Variants in CACNA1A observed in about 807,000 individuals in gnomAD.
CACNA1A encodes voltage-dependent P/Q-type calcium channel subunit alpha-1A.
A neutral mutation model predicts 262.4 loss-of-function variants in CACNA1A; 57 were observed. The ratio of observed to expected loss-of-function variants is 0.22; its 90% confidence interval spans 0.18 to 0.27. CACNA1A has a LOEUF of 0.27. Ranked by LOEUF, CACNA1A falls within the 10% of genes least tolerant of loss-of-function variation. The pLI is 1.00. For synonymous variants in CACNA1A, 1,431 were observed against 1,419.3 expected (o/e 1.01, Z -0.18); for missense variants, 2,526 against 3,562.8 (o/e 0.71, Z 7.41).
intron 5 of CACNA1A, chr19:13,362,600 C>G (rs1173545000): frequency 6.6e-6 from 1 of 152,292 alleles, no homozygotes; most frequent in African/African-American, 2.4e-5. Context: ...ACCTCAGCCT[C>G]TCAAAGTGCT....
rs1170636636 is a variant in CACNA1A at position 13,207,468 on chromosome 19, G to A, written c.7366C>T (p.Arg2456Trp). The A allele has an allele frequency of 2.0e-6, 3 of 1,478,346 alleles. No homozygotes were observed. Among genetic ancestry groups the A allele is most frequent in the African/African-American group, 1.5e-5 (1 of 67,472 alleles). The allele number at this position is 1,478,346 out of a possible 1,614,324, so 91.6% of individuals were successfully genotyped here. A position where few individuals can be genotyped will look rare whatever the true frequency, so the allele number is the denominator to read the frequency against. The stretch of plus-strand genomic sequence containing the variant: ...GAGGCGCAGGCCGGGCCCGAGGCCC[G>A]GGGAGTCCTGGGCGAGCGCCCGGTG... ...GATGRSPRTP[R>W]ASGPACASPS... The change falls in exon 47 of 47, where the codon CGG becomes TGG. Residue 2456 changes from arginine to tryptophan, a missense_variant. Physicochemically the swap from Arg to Trp is moderately radical, Grantham distance 101. Coordinates refer to ENST00000360228, the MANE Select transcript of CACNA1A (RefSeq NM_001127222.2). The surrounding 1 kb of genome is among the most constrained non-coding windows in gnomAD (Gnocchi z 5.7).
chr19:13,306,064 A>G (rs1363300311), intron 15 of CACNA1A, among the ~76,000 whole-genome samples: 4 of 151,568 alleles, frequency 2.6e-5, no homozygotes, highest in African/African-American at 9.7e-5. Flanking sequence ...CATCTCAAAA[A>G]AAAAAAAAAA....
At chr19:13,309,628 G>C (rs982048974) in intron 12 of CACNA1A, among the ~76,000 whole-genome samples, 2 of 151,934 alleles carry the variant, frequency 1.3e-5, no homozygotes, top group Non-Finnish European at 2.9e-5. Flanking sequence ...AGGAATTTGA[G>C]ACAGGAGAGG....
chr19:13,230,028 C>T, intron 36 of CACNA1A, 54 bp downstream of exon 36: 1 of 1,588,794 alleles, frequency 6.3e-7, no homozygotes, highest in Non-Finnish European at 8.6e-7. Context: ...GCCCGTGTTC[C>T]AGTTCCAGGG....
At chr19:13,288,247 T>C (rs1198115783) in intron 19 of CACNA1A, among the ~76,000 whole-genome samples, 1 of 151,508 alleles carries the variant, frequency 6.6e-6, no homozygotes, top group Non-Finnish European at 1.5e-5. Flanking sequence ...TTTTTCTTTT[T>C]TTTTTTAACT....
At chr19:13,226,275 A>T in intron 37 of CACNA1A, 2 of 46,676 alleles carry the variant, frequency 4.3e-5, no homozygotes, top group South Asian at 5.7e-4. Context: ...GGGGGGCGGC[A>T]GGGAGGGGCA....
chr19:13,276,037 G>C (rs914059125), intron 23 of CACNA1A, 81 bp from the exon 24 acceptor site: 4 of 872,194 alleles, frequency 4.6e-6, no homozygotes, highest in Non-Finnish European at 5.5e-6. Context: ...CTAGCCTCTC[G>C]GGGAGAGGCA....
chr19:13,332,758 C>G (rs913694393), intron 9 of CACNA1A, 111 bp downstream of exon 9: 9 of 637,920 alleles, frequency 1.4e-5, no homozygotes, highest in Non-Finnish European at 2.3e-5. Flanking sequence ...AGAGGAACGT[C>G]TACCCTCTGC....
chr19:13,413,907 G>C (rs1201686644), intron 3 of CACNA1A, among the ~76,000 whole-genome samples: 1 of 83,144 alleles, frequency 1.2e-5, no homozygotes, highest in East Asian at 3.3e-4. Flanking sequence ...AAGAAAGAAA[G>C]AAAGAAAGAA....
chr19:13,489,469 T>C (rs1049843365), intron 1 of CACNA1A, among the ~76,000 whole-genome samples: 1 of 152,166 alleles, frequency 6.6e-6, no homozygotes, highest in Admixed American at 6.5e-5. Context: ...TTGTATTTTT[T>C]TGTAGAGACG....
intron 3 of CACNA1A, among the ~76,000 whole-genome samples, chr19:13,415,967 G>T (rs1040569600): frequency 3.3e-5 from 5 of 151,994 alleles, no homozygotes; most frequent in Admixed American, 6.6e-5. Flanking sequence ...CCTCTGAGCG[G>T]TCCTCTCTGA....
Position 13,436,980 on chromosome 19 carries a change from G to T in CACNA1A, c.539+15896C>A, listed in dbSNP as rs186641918. The stretch of plus-strand genomic sequence containing the variant: ...GCACAACAGGGGAACCTCTTTTCAG[G>T]TTAGCTGGTGTCCCTGCCACCTGGA... On this transcript the variant is annotated intron_variant, in intron 3 of 46. Transcript: ENST00000360228. Among the ~76,000 whole-genome samples, 8 of 152,330 alleles carry T rather than the reference G, an allele frequency of 5.3e-5. No homozygotes were observed. The East Asian group carries it at 1.3e-3, about 26-fold the overall frequency.
chr19:13,423,966 C>T (rs1231514485), intron 3 of CACNA1A, among the ~76,000 whole-genome samples: 1 of 152,180 alleles, frequency 6.6e-6, no homozygotes, highest in Non-Finnish European at 1.5e-5. Flanking sequence ...GACTTCTCCC[C>T]TCCACAGCCC....
At chr19:13,441,190 G>T (rs2060712424) in intron 3 of CACNA1A, among the ~76,000 whole-genome samples, 1 of 152,100 alleles carries the variant, frequency 6.6e-6, no homozygotes, top group African/African-American at 2.4e-5. Context: ...CTTGCCCAAG[G>T]TCACACAGCT....
Position 13,214,302 on chromosome 19 carries a change from T to A in CACNA1A, c.5871A>T (p.Ala1957=). Residue 1957 remains alanine, a synonymous_variant, in exon 40 of 47, where the codon GCA becomes GCT. Transcript: ENST00000360228. The surrounding 1 kb of genome is among the most constrained non-coding windows in gnomAD (Gnocchi z 4.1). ...GGTAGTACTCCATGATCATCATGGC[T>A]GCGTAGATCTTCCCCACGGTGAGGT... The part of the protein sequence containing the change: ...STDLTVGKIY[A]AMMIMEYYRQ... The A allele has an allele frequency of 6.2e-7, 1 of 1,612,738 alleles. No homozygotes were observed. Among genetic ancestry groups the A allele is most frequent in the Non-Finnish European group, 8.5e-7 (1 of 1,179,856 alleles).
chr19:13,239,154 G>C (rs1431891982), intron 31 of CACNA1A, among the ~76,000 whole-genome samples: 1 of 152,068 alleles, frequency 6.6e-6, no homozygotes, highest in Non-Finnish European at 1.5e-5. Flanking sequence ...TGGTGCTTAG[G>C]AGAAAGCCCA....
intron 3 of CACNA1A, among the ~76,000 whole-genome samples, chr19:13,426,022 C>T (rs1265582113): frequency 6.6e-6 from 1 of 152,166 alleles, no homozygotes; most frequent in Non-Finnish European, 1.5e-5. Context: ...TGCACCACTG[C>T]ACTCCAGCCT....
At chr19:13,260,317 T>TAC (rs1485300589) in intron 26 of CACNA1A, 2 of 53,028 alleles carry the variant, frequency 3.8e-5, no homozygotes, top group East Asian at 1.3e-3. Context: ...TATATATACA[T>TAC]ATATATATAT....
chr19:13,227,359 T>TAA, intron 37 of CACNA1A, 72 bp downstream of exon 37: 6 of 604,238 alleles, frequency 9.9e-6, no homozygotes, highest in African/African-American at 7.8e-5. Context: ...TGGTCAGCAC[T>TAA]AAAAAAAAAG....
Sources: gnomAD v4.1 joint callset for allele counts (sites outside exome capture counted in the v4.1 genomes callset) on GRCh38, gnomAD v4.1.1 for gene constraint, Gnocchi (gnomAD v3.1) non-coding constraint, MANE v1.5 for transcripts, NCBI Gene and HGNC (gene_info 2026-07-23, HGNC 2026-07-21) for gene names.